Variants in RCAN2 observed in about 807,000 individuals in gnomAD.
The protein encoded by RCAN2 is regulator of calcineurin 2.
Under a neutral mutation model 23.6 loss-of-function variants are expected in RCAN2, and 9 were observed. That is an observed-to-expected ratio of 0.38 (90% CI 0.23 to 0.67). RCAN2 has a LOEUF of 0.67. RCAN2 is among the 30% of genes least tolerant of loss of function. The pLI, the probability that RCAN2 is intolerant of heterozygous loss-of-function variation, is 0.51. For missense variants in RCAN2, 273 were observed against 302.3 expected, an observed-to-expected ratio of 0.90 and a Z score of 0.72; for synonymous variants, 109 against 115.7, an observed-to-expected ratio of 0.94 and a Z score of 0.37.
chr6:46,393,857 C>A (rs940480952), intron 2 of RCAN2, among the ~76,000 whole-genome samples: 1 of 152,158 alleles, frequency 6.6e-6, no homozygotes, highest in African/African-American at 2.4e-5. Flanking sequence ...CTCCTCCGGG[C>A]CCTGTCTGCC....
At chr6:46,357,266 G>A (rs889969115) in intron 2 of RCAN2, among the ~76,000 whole-genome samples, 6 of 152,132 alleles carry the variant, frequency 3.9e-5, no homozygotes, top group African/African-American at 7.2e-5. Flanking sequence ...TAAATATGGA[G>A]TTTCTCACTA....
chr6:46,428,385 T>TA (rs1461081278), intron 2 of RCAN2, among the ~76,000 whole-genome samples: 1 of 152,216 alleles, frequency 6.6e-6, no homozygotes, highest in East Asian at 1.9e-4. Flanking sequence ...TGTATTTTTT[T>TA]ATGTGTTCAT....
chr6:46,342,112 T>TA (rs1218737882), intron 2 of RCAN2, among the ~76,000 whole-genome samples: 6 of 152,248 alleles, frequency 3.9e-5, no homozygotes, highest in African/African-American at 1.2e-4. Flanking sequence ...AGTGTAGTGT[T>TA]AGAGTGTCAA....
At chr6:46,389,553 G>A (rs529651952) in intron 2 of RCAN2, among the ~76,000 whole-genome samples, 6 of 152,322 alleles carry the variant, frequency 3.9e-5, no homozygotes, top group African/African-American at 1.4e-4. Flanking sequence ...GCTAGATCAT[G>A]TGCTAGTCAT....
At chr6:46,273,916 G>C (rs934078095) in intron 2 of RCAN2, among the ~76,000 whole-genome samples, 1 of 151,640 alleles carries the variant, frequency 6.6e-6, no homozygotes, top group Non-Finnish European at 1.5e-5. Context: ...CCTAATCCTT[G>C]CATTTTGTTC....
intron 2 of RCAN2, among the ~76,000 whole-genome samples, chr6:46,277,893 T>C (rs990129326): frequency 3.3e-5 from 5 of 152,154 alleles, no homozygotes. Flanking sequence ...GTACTAAAAG[T>C]AGCTGTAGCT....
Position 46,350,536 on chromosome 6 carries a change from T to C in RCAN2, c.226-101640A>G, listed in dbSNP as rs1037064271. Among the ~76,000 whole-genome samples, 3 of 152,162 alleles carry C rather than the reference T, an allele frequency of 2.0e-5. No individual in the cohort carries two copies. The South Asian group carries it at 6.2e-4, about 32-fold the overall frequency. ...AGCAATTGAGGAGAGTCACTTGGTA[T>C]AAATCACATTATTTCTGGGCATTTG... On this transcript the variant is annotated intron_variant, in intron 2 of 4. Transcript: ENST00000371374.
intron 2 of RCAN2, among the ~76,000 whole-genome samples, chr6:46,289,447 T>C (rs1404627392): frequency 6.6e-6 from 1 of 152,230 alleles, no homozygotes; most frequent in African/African-American, 2.4e-5. Flanking sequence ...AAATAAATCA[T>C]CAGTTTGTTT....
chr6:46,335,571 C>G (rs925872881), intron 2 of RCAN2, among the ~76,000 whole-genome samples: 3 of 152,154 alleles, frequency 2.0e-5, no homozygotes, highest in African/African-American at 7.2e-5. Flanking sequence ...CCTCCTTCTC[C>G]CAAGCAGTCT....
chr6:46,223,710 T>C (rs1039514669), intron 4 of RCAN2, among the ~76,000 whole-genome samples: 8 of 152,186 alleles, frequency 5.3e-5, no homozygotes, highest in African/African-American at 1.9e-4. Context: ...CTTTTGAATA[T>C]GGTAGTTTCT....
intron 2 of RCAN2, among the ~76,000 whole-genome samples, chr6:46,445,122 T>C (rs1161906395): frequency 4.6e-5 from 7 of 152,060 alleles, no homozygotes; most frequent in Admixed American, 4.6e-4. Context: ...CTAGAAAGCC[T>C]CTTCAGACTC....
intron 2 of RCAN2, among the ~76,000 whole-genome samples, chr6:46,436,611 C>T (rs1767373981): frequency 2.6e-5 from 4 of 152,188 alleles, no homozygotes; most frequent in Admixed American, 6.5e-5. Context: ...TAACTAGGAT[C>T]AAGACATCAT....
intron 1 of RCAN2, among the ~76,000 whole-genome samples, chr6:46,486,544 C>T (rs1768994623): frequency 6.6e-6 from 1 of 152,122 alleles, no homozygotes. Flanking sequence ...TATTTTGGAA[C>T]AGGCAAATCT....
intron 2 of RCAN2, 81 bp downstream of exon 2, chr6:46,456,671 C>A: frequency 1.8e-6 from 2 of 1,113,676 alleles, no homozygotes; most frequent in South Asian, 1.5e-5. Flanking sequence ...CTTCAAAACA[C>A]CAACCACAAA....
intron 2 of RCAN2, among the ~76,000 whole-genome samples, chr6:46,300,933 G>C (rs956674558): frequency 4.0e-5 from 6 of 151,526 alleles, no homozygotes; most frequent in African/African-American, 1.5e-4. Context: ...TCTAAACTAA[G>C]ATTGTGGCAA....
At chr6:46,378,170 G>T (rs1419456218) in intron 2 of RCAN2, among the ~76,000 whole-genome samples, 1 of 152,180 alleles carries the variant, frequency 6.6e-6, no homozygotes, top group Non-Finnish European at 1.5e-5. Context: ...TTGCCTCACA[G>T]ATGCCATGGG....
chr6:46,425,773 T>A (rs928183806), intron 2 of RCAN2, among the ~76,000 whole-genome samples: 4 of 152,056 alleles, frequency 2.6e-5, no homozygotes, highest in African/African-American at 9.7e-5. Context: ...AGCTCAGCCA[T>A]CCTTATGAGA....
intron 2 of RCAN2, among the ~76,000 whole-genome samples, chr6:46,363,281 G>A (rs1015223458): frequency 1.3e-5 from 2 of 152,054 alleles, no homozygotes; most frequent in African/African-American, 4.8e-5. Flanking sequence ...ACATTTCTAG[G>A]TTTCTCATAT....
At chr6:46,232,603 T>C (rs895234757) in intron 4 of RCAN2, among the ~76,000 whole-genome samples, 8 of 151,832 alleles carry the variant, frequency 5.3e-5, no homozygotes, top group Non-Finnish European at 8.8e-5. Context: ...ACCAGCCTGG[T>C]CAACATGGGG....
Sources: allele counts gnomAD v4.1 joint callset (sites outside exome capture counted in the v4.1 genomes callset), GRCh38; gene constraint gnomAD v4.1.1; transcripts MANE v1.5; gene names NCBI Gene and HGNC (gene_info 2026-07-23, HGNC 2026-07-21).